The following NKAIN2 variants were observed in gnomAD, a reference collection of about 807,000 sequenced individuals.
NKAIN2 encodes the protein sodium/potassium transporting ATPase interacting 2, also known as sodium/potassium-transporting ATPase subunit beta-1-interacting protein 2.
In NKAIN2, 14 loss-of-function variants were observed where a neutral mutation model predicts 32.6. That is an observed-to-expected ratio of 0.43 (90% confidence interval 0.28 to 0.67). The LOEUF (loss-of-function observed/expected upper bound fraction) is 0.67, where lower values mean the gene tolerates loss of function less well. NKAIN2 is among the 30% of genes least tolerant of loss of function. The pLI is 0.17. For synonymous variants in NKAIN2, 80 were observed against 87.2 expected (o/e 0.92, Z 0.46); for missense variants, 198 against 258.3 (o/e 0.77, Z 1.60).
chr6:123,852,366 C>G (rs937312692), intron 1 of NKAIN2, among the ~76,000 whole-genome samples: 6 of 152,118 alleles, frequency 3.9e-5, no homozygotes, highest in African/African-American at 1.2e-4. Flanking sequence ...TATTGCACCT[C>G]TGATATACAA....
chr6:124,372,232 A>T (rs987572144), intron 3 of NKAIN2, among the ~76,000 whole-genome samples: 2 of 152,170 alleles, frequency 1.3e-5, no homozygotes, highest in African/African-American at 4.8e-5. Flanking sequence ...TTTATAATCT[A>T]AATATTTCAT....
chr6:124,683,210 A>G (rs1031582074), intron 4 of NKAIN2, among the ~76,000 whole-genome samples: 3 of 152,180 alleles, frequency 2.0e-5, no homozygotes, highest in African/African-American at 7.2e-5. Context: ...ATCACATCCC[A>G]TTCGCAGAAA....
intron 3 of NKAIN2, among the ~76,000 whole-genome samples, chr6:124,405,665 C>A (rs1343957301): frequency 6.6e-6 from 1 of 151,840 alleles, no homozygotes; most frequent in Non-Finnish European, 1.5e-5. Flanking sequence ...TAGGCGTGAG[C>A]CACCGCACCC....
In NKAIN2 at chr6:123,815,381, A is replaced by G. The variant is rs533863026; in HGVS notation, c.54+11127A>G. 4.6e-5 allele frequency among the ~76,000 whole-genome samples: 7 copies of G among 152,336 alleles called. No homozygotes were observed. The East Asian group carries it at 1.4e-3, about 29-fold the overall frequency. On this transcript the variant is annotated intron_variant, in intron 1 of 6. Coordinates refer to ENST00000368417, the MANE Select transcript of NKAIN2 (RefSeq NM_001040214.3). ...CCATTTTAAAGTGTTAATTCATATA[A>G]GTTTAATTCATATTATCTAGCATTT...
At chr6:124,593,831 G>A (rs1441887964) in intron 3 of NKAIN2, among the ~76,000 whole-genome samples, 1 of 152,168 alleles carries the variant, frequency 6.6e-6, no homozygotes, top group Admixed American at 6.6e-5. Flanking sequence ...GGAATGTTTA[G>A]GGTAATAGTG....
At chr6:123,986,479 T>C (rs1189263761) in intron 1 of NKAIN2, among the ~76,000 whole-genome samples, 1 of 152,170 alleles carries the variant, frequency 6.6e-6, no homozygotes, top group African/African-American at 2.4e-5. Flanking sequence ...TGTTGGTGTT[T>C]TTCTTTCCTG....
At chr6:124,467,563 C>T (rs1776811230) in intron 3 of NKAIN2, among the ~76,000 whole-genome samples, 2 of 152,034 alleles carry the variant, frequency 1.3e-5, no homozygotes, top group Admixed American at 1.3e-4. Context: ...GCTCTATTTA[C>T]AAGGAAAACT....
At chr6:124,776,434 T>C (rs549093200) in intron 4 of NKAIN2, among the ~76,000 whole-genome samples, 1 of 152,228 alleles carries the variant, frequency 6.6e-6, no homozygotes, top group Non-Finnish European at 1.5e-5. Flanking sequence ...AGTCACTCAA[T>C]ACACTGCTTT....
intron 3 of NKAIN2, among the ~76,000 whole-genome samples, chr6:124,530,555 G>A (rs1454478680): frequency 2.0e-5 from 3 of 152,232 alleles, no homozygotes; most frequent in Middle Eastern, 3.4e-3. Flanking sequence ...ATTCAAAACC[G>A]AGCTGTGCAA....
At chr6:124,157,427 C>T (rs983593921) in intron 1 of NKAIN2, among the ~76,000 whole-genome samples, 1 of 152,046 alleles carries the variant, frequency 6.6e-6, no homozygotes, top group Non-Finnish European at 1.5e-5. Context: ...TGACATTGTT[C>T]ACAAATTTAA....
intron 3 of NKAIN2, among the ~76,000 whole-genome samples, chr6:124,401,123 A>G (rs1200306562): frequency 6.6e-6 from 1 of 152,184 alleles, no homozygotes. Flanking sequence ...CTGTCAGTAT[A>G]TATGAGATAG....
chr6:124,233,290 ATAATTATATTC>A (rs773495123), intron 1 of NKAIN2, among the ~76,000 whole-genome samples: 2 of 152,014 alleles, frequency 1.3e-5, no homozygotes, highest in African/African-American at 2.4e-5. Flanking sequence ...TTTACAAACC[ATAATTATATTC>A]TATCATAACA....
intron 3 of NKAIN2, among the ~76,000 whole-genome samples, chr6:124,370,579 C>CA (rs1799716876): frequency 6.6e-6 from 1 of 151,992 alleles, no homozygotes; most frequent in African/African-American, 2.4e-5. Context: ...GGAGCTACGT[C>CA]AAAAATGTCA....
intron 1 of NKAIN2, among the ~76,000 whole-genome samples, chr6:124,117,794 T>C (rs1204331959): frequency 6.6e-6 from 1 of 151,660 alleles, no homozygotes; most frequent in African/African-American, 2.4e-5. Flanking sequence ...CTAGATTCAT[T>C]ATATTATTTT....
At chr6:123,893,870 C>T (rs1053551019) in intron 1 of NKAIN2, among the ~76,000 whole-genome samples, 1 of 152,100 alleles carries the variant, frequency 6.6e-6, no homozygotes, top group African/African-American at 2.4e-5. Context: ...TCACAGAAGG[C>T]CCAGTATCTT....
intron 3 of NKAIN2, among the ~76,000 whole-genome samples, chr6:124,524,326 T>G (rs1779231661): frequency 6.8e-6 from 1 of 147,794 alleles, no homozygotes; most frequent in Non-Finnish European, 1.5e-5. Context: ...ATTTATCAAG[T>G]GCTATCATTA....
chr6:124,755,246 T>C (rs1334486809), intron 4 of NKAIN2, among the ~76,000 whole-genome samples: 1 of 152,062 alleles, frequency 6.6e-6, no homozygotes, highest in Non-Finnish European at 1.5e-5. Flanking sequence ...AGACATCCAA[T>C]ATGGGAGAAA....
chr6:124,381,180 G>A (rs1363998535), intron 3 of NKAIN2, among the ~76,000 whole-genome samples: 1 of 152,148 alleles, frequency 6.6e-6, no homozygotes, highest in Non-Finnish European at 1.5e-5. Context: ...TTATAAAAAT[G>A]TAAAGCAGTG....
In NKAIN2 at chr6:124,190,949, C is replaced by T. The variant is rs556423723; in HGVS notation, c.55-92056C>T. Among the ~76,000 whole-genome samples, 18 of 152,222 alleles carry T rather than the reference C, an allele frequency of 1.2e-4. No homozygotes were observed. In the South Asian group the frequency reaches 2.9e-3, roughly 25 times the overall value. On this transcript the variant is annotated intron_variant, in intron 1 of 6. Transcript: ENST00000368417. ...TACTCTTTTTCCCTCTCTATAACAT[C>T]CTCCCCCACCATCAATATTCTACAA...
Sources: allele counts gnomAD v4.1 joint callset (sites outside exome capture counted in the v4.1 genomes callset), GRCh38; gene constraint gnomAD v4.1.1; transcripts MANE v1.5; gene names NCBI Gene and HGNC (gene_info 2026-07-23, HGNC 2026-07-21).